Variants in MGAT4A observed in about 807,000 individuals in gnomAD.
MGAT4A encodes N-acetylglucosaminyltransferase IVa.
In MGAT4A, 33 loss-of-function variants were observed where a neutral mutation model predicts 74.1. That is an observed-to-expected ratio of 0.45 (90% confidence interval 0.34 to 0.60). MGAT4A has a LOEUF of 0.60. Among genes scored for constraint, MGAT4A ranks in the 20% least tolerant of loss-of-function variants. The probability of loss-of-function intolerance (pLI) is 0.02; values close to 1 mark genes in which losing one functional copy is unlikely to be tolerated. For synonymous variants in MGAT4A, 198 were observed against 210.4 expected (o/e 0.94, Z 0.51); for missense variants, 479 against 628.3 (o/e 0.76, Z 2.54).
Position 98,675,119 on chromosome 2 carries a change from T to G in MGAT4A, c.319A>C (p.Ser107Arg), listed in dbSNP as rs1701961531. The G allele has an allele frequency of 6.2e-7, 1 of 1,612,842 alleles. No homozygotes were observed. The change falls in exon 4 of 16, where the codon AGT (serine) becomes CGT (arginine). Residue 107 changes from serine (S) to arginine (R), a missense_variant. Ser to Arg is a moderately radical substitution (Grantham distance 110, BLOSUM62 -1). This residue lies in a region of MGAT4A where 205 missense variants were observed against 232.7 expected (regional missense o/e 0.88). Transcript: ENST00000393487. ...AAATGAGGCAAATGATAATAAATAC[T>G]TGGCACTTGAAGAGATTTTTTGCTT... is the stretch of plus-strand genomic sequence containing the variant. Reference protein sequence around the residue: ...LTSKKSLQVPSIYYHLPHLLK... With the variant: ...LTSKKSLQVPRIYYHLPHLLK...
intron 4 of MGAT4A, among the ~76,000 whole-genome samples, chr2:98,664,999 T>C (rs558378859): frequency 6.6e-6 from 1 of 152,260 alleles, no homozygotes; most frequent in African/African-American, 2.4e-5. Context: ...GCAACAATTT[T>C]TTGGAGATAC....
Position 98,706,062 on chromosome 2 carries a change from C to T in MGAT4A, c.94+20177G>A, listed in dbSNP as rs118061302. On this transcript the variant is annotated intron_variant, in intron 2 of 15. Transcript: ENST00000393487. ...GAGAAAACCAATGCAGACGCTGAACCGATTGATAAAAATAGTAACACAGAG... is the reference window on the plus strand; with the variant it reads ...GAGAAAACCAATGCAGACGCTGAACTGATTGATAAAAATAGTAACACAGAG... 1.9e-3 allele frequency among the ~76,000 whole-genome samples: 289 copies of T among 152,058 alleles called. 15 individuals are homozygous for T. In the East Asian group the frequency reaches 0.052, roughly 27 times the overall value.
At chr2:98,724,041 T>C (rs1702725057) in intron 2 of MGAT4A, among the ~76,000 whole-genome samples, 1 of 152,256 alleles carries the variant, frequency 6.6e-6, no homozygotes, top group Admixed American at 6.5e-5. Flanking sequence ...TTATTGTTTC[T>C]ATCTAACTCT....
Position 98,625,197 on chromosome 2 carries a change from A to G in MGAT4A, c.*369T>C, listed in dbSNP as rs1701126796. 11 of 844,840 alleles carry G rather than the reference A, an allele frequency of 1.3e-5. No individual in the cohort carries two copies. Among genetic ancestry groups the G allele is most frequent in the South Asian group, 5.3e-5 (1 of 18,912 alleles). 52.3% of individuals were successfully genotyped at this position (844,840 alleles called of 1,614,324 possible). ...TAATCTATAAAAGAGGGTCTATAAT[A>G]GTAAAATAAGTGAACCTCAAAAGTA... On this transcript the variant is annotated 3_prime_UTR_variant, in exon 16 of 16. Transcript: ENST00000393487.
At chr2:98,720,738 G>A (rs1037479696) in intron 2 of MGAT4A, among the ~76,000 whole-genome samples, 3 of 151,872 alleles carry the variant, frequency 2.0e-5, no homozygotes, top group South Asian at 2.1e-4. Flanking sequence ...AAGGCAGGTC[G>A]GTAGAGATTA....
chr2:98,697,792 T>C (rs1702297780), intron 2 of MGAT4A, among the ~76,000 whole-genome samples: 1 of 152,170 alleles, frequency 6.6e-6, no homozygotes. Flanking sequence ...ACCACAACGT[T>C]TGTCAGAGGA....
At chr2:98,643,816 T>G in intron 10 of MGAT4A, 107 bp downstream of exon 10, 1 of 1,159,616 alleles carries the variant, frequency 8.6e-7, no homozygotes. Context: ...AGGAAAGAAG[T>G]TTTATATCAC....
intron 2 of MGAT4A, among the ~76,000 whole-genome samples, chr2:98,701,511 G>C (rs758974226): frequency 5.3e-5 from 8 of 152,148 alleles, no homozygotes; most frequent in Non-Finnish European, 1.2e-4. Flanking sequence ...TCAGAGTTAA[G>C]AATACCTCAA....
rs536893147 is a variant in MGAT4A, at chr2:98,680,189, G to A, written c.95-1718C>T. ...CTCCCAAGTAGCTGGGATTACAGGC[G>A]CGCGCCACCACACCCAGATACTTTT... On this transcript the variant is annotated intron_variant, in intron 2 of 15. Transcript: ENST00000393487. 2.0e-3 allele frequency among the ~76,000 whole-genome samples: 301 copies of A among 151,816 alleles called. 1 individual carries two copies. The South Asian group carries it at 0.023, about 12-fold the overall frequency.
intron 2 of MGAT4A, among the ~76,000 whole-genome samples, chr2:98,708,388 G>A (rs1024638502): frequency 1.3e-5 from 2 of 152,074 alleles, no homozygotes; most frequent in African/African-American, 4.8e-5. Flanking sequence ...TTAATGAAAA[G>A]CCATGAGATT....
rs575539511 is a variant in MGAT4A at position 98,657,293 on chromosome 2, T to C, written c.585-828A>G. On this transcript the variant is annotated intron_variant, in intron 6 of 15. Transcript: ENST00000393487. ...TCTTAATGTTTAACTGTACTTTTTG[T>C]CTGAGCTTGGTTTTCTACACACTAA... Among the ~76,000 whole-genome samples the C allele has an allele frequency of 4.6e-5, 7 of 152,328 alleles. No homozygotes were observed. The East Asian group carries it at 1.3e-3, about 29-fold the overall frequency.
intron 2 of MGAT4A, among the ~76,000 whole-genome samples, chr2:98,685,340 G>T (rs921960220): frequency 6.6e-6 from 1 of 151,834 alleles, no homozygotes; most frequent in Non-Finnish European, 1.5e-5. Flanking sequence ...TATGAATGAG[G>T]AAGGTTTTTA....
intron 4 of MGAT4A, among the ~76,000 whole-genome samples, chr2:98,671,304 C>T (rs1701908212): frequency 6.6e-6 from 1 of 152,232 alleles, no homozygotes; most frequent in South Asian, 2.1e-4. Context: ...TATTCCTCTT[C>T]CCACATCCTC....
chr2:98,689,747 T>C (rs764389118), intron 2 of MGAT4A, among the ~76,000 whole-genome samples: 1 of 151,982 alleles, frequency 6.6e-6, no homozygotes, highest in African/African-American at 2.4e-5. Context: ...GGCTTGAGCA[T>C]AGGAGGCAGA....
rs2104289913 is a variant in MGAT4A, at chr2:98,678,403, T to G, written c.163A>C (p.Ile55Leu). 6.3e-7 allele frequency: 1 copy of G among 1,595,512 alleles called. No individual in the cohort carries two copies. The highest frequency in any genetic ancestry group is 8.6e-7 in the Non-Finnish European group (1 of 1,167,560). Residue 55 changes from isoleucine to leucine, a missense_variant, in exon 3 of 16, where the codon ATC (isoleucine) becomes CTC (leucine). Physicochemically the swap from Ile to Leu is conservative, Grantham distance 5. Around this residue, in one of 3 missense-constraint regions of MGAT4A, gnomAD observed 205 missense variants for 232.7 expected, o/e 0.88. Transcript: ENST00000393487. ...KERLRIAEHR[I>L]SQRSSELNTI... ...TTTAATTCAGAAGAGCGCTGTGAGA[T>G]TCTGTGTTCAGCTATTCGAAGACGT... is the stretch of plus-strand genomic sequence containing the variant.
rs535041467 is a variant in MGAT4A, at chr2:98,639,540, C to T, written c.1322+268G>A. ...ACTAATTTGAGATTTTCGAGAGTTC[C>T]GCAAAAAAGTATTAAAAAATTATAC... On this transcript the variant is annotated intron_variant, in intron 12 of 15. Transcript: ENST00000393487. Among the ~76,000 whole-genome samples the T allele has an allele frequency of 7.2e-5, 11 of 151,894 alleles. No individual in the cohort carries two copies. The East Asian group carries it at 7.7e-4, about 11-fold the overall frequency.
chr2:98,678,391 A>T lies in MGAT4A; in HGVS notation c.175T>A (p.Ser59Thr). The change falls in exon 3 of 16, where the codon TCT (serine) becomes ACT (threonine). Residue 59 changes from serine (S) to threonine (T), a missense_variant. Physicochemically the swap from Ser to Thr is moderately conservative, Grantham distance 58. Transcript: ENST00000393487. ...RIAEHRISQRSSELNTIVQQF... is the reference protein window; with the variant it reads ...RIAEHRISQRTSELNTIVQQF... ...TGCACAATCGTATTTAATTCAGAAGAGCGCTGTGAGATTCTGTGTTCAGCT... is the reference window on the plus strand; with the variant it reads ...TGCACAATCGTATTTAATTCAGAAGTGCGCTGTGAGATTCTGTGTTCAGCT... 2 of 1,594,454 alleles carry T rather than the reference A, an allele frequency of 1.3e-6. No homozygotes were observed. The highest frequency in any genetic ancestry group is 1.7e-6 in the Non-Finnish European group (2 of 1,166,824).
At chr2:98,644,380 T>C (rs773669578) in intron 9 of MGAT4A, among the ~76,000 whole-genome samples, 15 of 152,184 alleles carry the variant, frequency 9.9e-5, no homozygotes, top group Non-Finnish European at 1.6e-4. Context: ...CCATTTAACA[T>C]TGAGAGGTTT....
intron 14 of MGAT4A, among the ~76,000 whole-genome samples, chr2:98,626,250 G>A (rs114807655): frequency 4.6e-5 from 7 of 152,002 alleles, no homozygotes; most frequent in South Asian, 2.1e-4. Flanking sequence ...AATTAAATAC[G>A]CACACAGTTG....
Sources: gnomAD v4.1 joint callset for allele counts (sites outside exome capture counted in the v4.1 genomes callset) on GRCh38, gnomAD v4.1.1 for gene constraint, gnomAD v4.1.1 regional missense constraint, MANE v1.5 for transcripts, NCBI Gene and HGNC (gene_info 2026-07-23, HGNC 2026-07-21) for gene names.